Variants in LHFPL3 observed in about 807,000 individuals in gnomAD.
LHFPL3 encodes LHFPL tetraspan subfamily member 3.
In LHFPL3, 5 loss-of-function variants were observed where a neutral mutation model predicts 19.3. That is an observed-to-expected ratio of 0.26 (90% CI 0.14 to 0.54). LHFPL3 has a LOEUF of 0.54. Ranked by LOEUF, LHFPL3 falls within the 20% of genes least tolerant of loss-of-function variation. LHFPL3 has a pLI of 0.94. For synonymous variants in LHFPL3, 133 were observed against 126.2 expected, an observed-to-expected ratio of 1.05 and a Z score of -0.36; for missense variants, 249 against 307.4, an observed-to-expected ratio of 0.81 and a Z score of 1.42.
At chr7:104,795,353 A>T (rs889492662) in intron 2 of LHFPL3, among the ~76,000 whole-genome samples, 1 of 152,202 alleles carries the variant, frequency 6.6e-6, no homozygotes, top group African/African-American at 2.4e-5. Context: ...GATGAGAGGA[A>T]GCCAAACCAG....
intron 2 of LHFPL3, among the ~76,000 whole-genome samples, chr7:104,822,136 CTAAG>C (rs900513519): frequency 6.6e-6 from 1 of 152,146 alleles, no homozygotes; most frequent in Non-Finnish European, 1.5e-5. Context: ...TCCCATGAGA[CTAAG>C]TGTTTGAAAC....
intron 1 of LHFPL3, among the ~76,000 whole-genome samples, chr7:104,518,354 A>G (rs1793962797): frequency 1.3e-5 from 2 of 152,180 alleles, no homozygotes; most frequent in Admixed American, 6.6e-5. Flanking sequence ...TAATCAATTA[A>G]AAGTTTTCCA....
intron 1 of LHFPL3, among the ~76,000 whole-genome samples, chr7:104,555,456 C>G (rs1189392060): frequency 6.6e-6 from 1 of 152,164 alleles, no homozygotes; most frequent in African/African-American, 2.4e-5. Flanking sequence ...TGGATGGCGG[C>G]AGGCAAAGAG....
rs574630798 is a variant in LHFPL3 at position 104,772,273 on chromosome 7, T to A, written c.682+35362T>A. On this transcript the variant is annotated intron_variant, in intron 2 of 2. Transcript: ENST00000424859. Reference sequence around the variant, plus strand: ...AATTTCGTTACCTCCATTTGACAAATGAGAAAAATGAGGCACAAAGAAAGG... The same window carrying A: ...AATTTCGTTACCTCCATTTGACAAAAGAGAAAAATGAGGCACAAAGAAAGG... Among the ~76,000 whole-genome samples, 3 of 152,254 alleles carry A rather than the reference T, an allele frequency of 2.0e-5. No homozygotes were observed. In the East Asian group the frequency reaches 5.8e-4, roughly 29 times the overall value.
At chr7:104,606,316 A>T (rs560756992) in intron 1 of LHFPL3, among the ~76,000 whole-genome samples, 1 of 152,330 alleles carries the variant, frequency 6.6e-6, no homozygotes, top group East Asian at 1.9e-4. Context: ...AGCAAAACAG[A>T]GATATCAGAA....
At chr7:104,620,499 TGA>T (rs1791424843) in intron 1 of LHFPL3, among the ~76,000 whole-genome samples, 1 of 152,252 alleles carries the variant, frequency 6.6e-6, no homozygotes, top group Admixed American at 6.5e-5. Context: ...TTCAAGTCTG[TGA>T]TTCTTTGAAT....
In LHFPL3 at chr7:104,745,250, C is replaced by G. The variant is rs542485311; in HGVS notation, c.682+8339C>G. ...TTCCTGATACAGAAGCTGCCCCTTC[C>G]TCTTTCTCCTTCTTCCTAAAGGAAC... On this transcript the variant is annotated intron_variant, in intron 2 of 2. Transcript: ENST00000424859. 5.3e-5 allele frequency among the ~76,000 whole-genome samples: 8 copies of G among 152,330 alleles called. No homozygotes were observed. The South Asian group carries it at 1.0e-3, about 20-fold the overall frequency.
chr7:104,478,349 C>G (rs577534561), intron 1 of LHFPL3, among the ~76,000 whole-genome samples: 1 of 152,064 alleles, frequency 6.6e-6, no homozygotes, highest in East Asian at 1.9e-4. Context: ...AGCCATAGCT[C>G]CTGAATGAGT....
intron 2 of LHFPL3, among the ~76,000 whole-genome samples, chr7:104,870,557 G>A (rs1395888862): frequency 6.6e-6 from 1 of 152,184 alleles, no homozygotes; most frequent in African/African-American, 2.4e-5. Context: ...AGGGTCTTAA[G>A]TCCAAGAAAG....
intron 1 of LHFPL3, among the ~76,000 whole-genome samples, chr7:104,726,617 A>C (rs567772746): frequency 1.3e-5 from 2 of 152,154 alleles, no homozygotes; most frequent in African/African-American, 4.8e-5. Context: ...TTTGCTGAGG[A>C]TAATGACTTC....
chr7:104,840,308 C>CTTTTTTTTTTTT, intron 2 of LHFPL3, among the ~76,000 whole-genome samples: 1 of 118,376 alleles, frequency 8.4e-6, no homozygotes, highest in Non-Finnish European at 1.6e-5. Context: ...TGTGGGTTTT[C>CTTTTTTTTTTTT]TTTTTTTTTT....
chr7:104,400,687 T>C (rs1791297710), intron 1 of LHFPL3, among the ~76,000 whole-genome samples: 1 of 152,120 alleles, frequency 6.6e-6, no homozygotes, highest in Non-Finnish European at 1.5e-5. Context: ...GACTAACAAC[T>C]CAAATACCCC....
chr7:104,545,038 GC>G (rs1218556998), intron 1 of LHFPL3, among the ~76,000 whole-genome samples: 1 of 152,156 alleles, frequency 6.6e-6, no homozygotes, highest in Non-Finnish European at 1.5e-5. Flanking sequence ...TGAATTCAAA[GC>G]TTTGTGTCTT....
At chr7:104,842,944 C>T (rs776666298) in intron 2 of LHFPL3, among the ~76,000 whole-genome samples, 20 of 152,220 alleles carry the variant, frequency 1.3e-4, no homozygotes, top group Admixed American at 2.6e-4. Context: ...AGTTGTTGAA[C>T]AGATCAAGGT....
At chr7:104,701,880 A>C (rs553697713) in intron 1 of LHFPL3, among the ~76,000 whole-genome samples, 158 of 151,736 alleles carry the variant, frequency 1.0e-3, no homozygotes, top group African/African-American at 3.7e-3. Context: ...AAAAAAATTT[A>C]TTATACTTTA....
At chr7:104,539,906 A>G (rs1305033259) in intron 1 of LHFPL3, among the ~76,000 whole-genome samples, 3 of 152,098 alleles carry the variant, frequency 2.0e-5, no homozygotes, top group African/African-American at 7.2e-5. Flanking sequence ...GGAACCCTAT[A>G]TTGGTTTTCT....
At chr7:104,486,430 A>T (rs916674870) in intron 1 of LHFPL3, among the ~76,000 whole-genome samples, 1 of 152,206 alleles carries the variant, frequency 6.6e-6, no homozygotes, top group Non-Finnish European at 1.5e-5. Context: ...GATGGCTGGG[A>T]AACCCAGGAT....
At chr7:104,462,757 A>G (rs879174604) in intron 1 of LHFPL3, among the ~76,000 whole-genome samples, 1 of 152,178 alleles carries the variant, frequency 6.6e-6, no homozygotes, top group African/African-American at 2.4e-5. Context: ...GCTTTATAGA[A>G]TGAGTTTGGG....
chr7:104,330,892 A>T (rs1279766061), intron 1 of LHFPL3, among the ~76,000 whole-genome samples: 1 of 152,250 alleles, frequency 6.6e-6, no homozygotes, highest in Non-Finnish European at 1.5e-5. Flanking sequence ...ACACATGCAG[A>T]TGCTGTAGAA....
Sources: allele counts gnomAD v4.1 joint callset (sites outside exome capture counted in the v4.1 genomes callset), GRCh38; gene constraint gnomAD v4.1.1; transcripts MANE v1.5; gene names NCBI Gene and HGNC (gene_info 2026-07-23, HGNC 2026-07-21).